CD40: variants seen among roughly 807,000 people sequenced by gnomAD.
CD40 encodes CD40 molecule.
CD40 carries 19 observed loss-of-function variants against 38.5 expected under a neutral mutation model. The ratio of observed to expected loss-of-function variants is 0.49; its 90% CI spans 0.34 to 0.72. The LOEUF (loss-of-function observed/expected upper bound fraction) is 0.72, where lower values mean the gene tolerates loss of function less well. Among genes scored for constraint, CD40 ranks in the 30% least tolerant of loss-of-function variants. The pLI, the probability that CD40 is intolerant of heterozygous loss-of-function variation, is 0.01. For missense variants in CD40, 256 were observed against 344.1 expected (o/e 0.74, Z 2.03); for synonymous variants, 130 against 128.7 (o/e 1.01, Z -0.07).
intron 6 of CD40, 51 bp from the exon 7 acceptor site, chr20:46,128,087 T>G: frequency 6.2e-7 from 1 of 1,613,970 alleles, no homozygotes; most frequent in Non-Finnish European, 8.5e-7. Flanking sequence ...AGGTTGAGGG[T>G]AGGGAGAAAC....
intron 8 of CD40, 76 bp from the exon 9 acceptor site, chr20:46,128,806 C>T (rs774413911): frequency 7.0e-5 from 105 of 1,508,390 alleles, no homozygotes; most frequent in African/African-American, 3.2e-4. Context: ...GGAAGGGATC[C>T]GCTTCCCAGG....
At position 46,122,881 on chromosome 20, in the gene CD40, G is replaced by T. The variant is rs2085347620; in HGVS notation, c.403+125G>T. 8.0e-7 allele frequency: 1 copy of T among 1,253,628 alleles called. No homozygotes were observed. The highest frequency in any genetic ancestry group is 1.1e-6 in the Non-Finnish European group (1 of 889,970). 77.7% of individuals were successfully genotyped at this position (1,253,628 alleles called of 1,614,324 possible). A position where few individuals can be genotyped will look rare whatever the true frequency, so the allele number is the denominator to read the frequency against. On this transcript the variant is annotated intron_variant, in intron 4 of 8. Transcript: ENST00000372285. This position sits in a 1 kb window ranked among gnomAD's most constrained non-coding sequence, Gnocchi z 5.0. ...GAAGCAGAGGCTCCAACCTATGTCG[G>T]TATCCCCACTGGAGTGAGCTGCAGA...
At chr20:46,118,496 G>T (rs571100579) in intron 1 of CD40, 102 bp downstream of exon 1, 1 of 928,154 alleles carries the variant, frequency 1.1e-6, no homozygotes, top group East Asian at 2.5e-5. Context: ...TGATTTTTGT[G>T]GGGGCAGGAG....
At position 46,122,152 on chromosome 20, in the gene CD40, A is replaced by G. The variant is rs2085331349; in HGVS notation, c.131-81A>G. The G allele has an allele frequency of 2.6e-6, 4 of 1,547,834 alleles. No homozygotes were observed. The highest frequency in any genetic ancestry group is 1.1e-5 in the South Asian group (1 of 89,366). On this transcript the variant is annotated intron_variant, in intron 2 of 8. Coordinates refer to ENST00000372285, the MANE Select transcript of CD40 (RefSeq NM_001250.6). This position sits in a 1 kb window ranked among gnomAD's most constrained non-coding sequence, Gnocchi z 5.0. ...TTCATCTTTGAATCCCCTACCCTAA[A>G]GCCTGGCCTGATCATTGTGTGGTTA... is the stretch of plus-strand genomic sequence containing the variant.
chr20:46,128,601 C>G, intron 8 of CD40: 1 of 703,860 alleles, frequency 1.4e-6, no homozygotes, highest in South Asian at 1.5e-5. Flanking sequence ...CCTTTCCTGG[C>G]ATTCAACGCG....
Position 46,123,147 on chromosome 20 carries a change from T to C in CD40, c.425T>C (p.Ile142Thr). 6.2e-7 allele frequency: 1 copy of C among 1,614,168 alleles called. No homozygotes were observed. Among genetic ancestry groups the C allele is most frequent in the Non-Finnish European group, 8.5e-7 (1 of 1,179,990 alleles). ...CCAGCTACAGGGGTTTCTGATACCATCTGCGAGCCCTGCCCAGTCGGCTTC... is the reference window on the plus strand; with the variant it reads ...CCAGCTACAGGGGTTTCTGATACCACCTGCGAGCCCTGCCCAGTCGGCTTC... ...KQIATGVSDT[I>T]CEPCPVGFFS... The change falls in exon 5 of 9, where the codon ATC (isoleucine) becomes ACC (threonine). Residue 142 changes from isoleucine (I) to threonine (T), a missense_variant. Physicochemically the swap from Ile to Thr is moderately conservative, Grantham distance 89 (BLOSUM62 -1). Coordinates refer to ENST00000372285, the MANE Select transcript of CD40 (RefSeq NM_001250.6).
chr20:46,123,508 TCTC>T (rs2085359834), intron 5 of CD40, among the ~76,000 whole-genome samples: 1 of 152,182 alleles, frequency 6.6e-6, no homozygotes, highest in Admixed American at 6.5e-5. Context: ...CCCTCCTGCT[TCTC>T]CTCAGTTTTC....
chr20:46,124,818 G>C (rs1600661150), intron 5 of CD40, among the ~76,000 whole-genome samples: 1 of 136,204 alleles, frequency 7.3e-6, no homozygotes, highest in African/African-American at 2.8e-5. Context: ...CCAGGCTGGA[G>C]TGCAGTGGCG....
intron 1 of CD40, among the ~76,000 whole-genome samples, chr20:46,119,245 A>G (rs1002664736): frequency 6.6e-6 from 1 of 152,240 alleles, no homozygotes; most frequent in Non-Finnish European, 1.5e-5. Flanking sequence ...GAATCCCCCA[A>G]GTACCTGGCT....
At chr20:46,123,565 G>C (rs970541601) in intron 5 of CD40, among the ~76,000 whole-genome samples, 8 of 152,050 alleles carry the variant, frequency 5.3e-5, no homozygotes, top group Non-Finnish European at 1.0e-4. Context: ...GGCTTTCTGG[G>C]CTCTGGGTGC....
chr20:46,121,764 A>G, intron 1 of CD40, 56 bp from the exon 2 acceptor site: 2 of 1,346,422 alleles, frequency 1.5e-6, no homozygotes, highest in Non-Finnish European at 2.1e-6. Context: ...CTTTCTGCTG[A>G]AGAAGTTGCA....
chr20:46,128,407 A>G (rs1468258450), intron 8 of CD40, 49 bp downstream of exon 8: 5 of 1,599,834 alleles, frequency 3.1e-6, no homozygotes, highest in East Asian at 4.5e-5. Flanking sequence ...AACTGGGAAG[A>G]TGGCCTCACG....
intron 5 of CD40, among the ~76,000 whole-genome samples, chr20:46,124,751 G>GTTGTT (rs2085390341): frequency 4.1e-5 from 3 of 73,968 alleles, no homozygotes; most frequent in East Asian, 8.1e-4. Flanking sequence ...CACTGGTATA[G>GTTGTT]TTTTTTTTTT....
At chr20:46,120,435 C>G (rs1203095069) in intron 1 of CD40, among the ~76,000 whole-genome samples, 2 of 152,256 alleles carry the variant, frequency 1.3e-5, no homozygotes, top group Non-Finnish European at 2.9e-5. Context: ...GTTCTTTTCA[C>G]TGGCTGTTCC....
In CD40 at chr20:46,123,121, C is replaced by G. The variant is rs780837863; in HGVS notation, c.404-5C>G. ...GTTAATGTCCCCCTCCCCACCCACT[C>G]CCAGCTACAGGGGTTTCTGATACCA... On this transcript the variant is annotated splice_region_variant and splice_polypyrimidine_tract_variant and intron_variant, in intron 4 of 8. Coordinates refer to ENST00000372285, the MANE Select transcript of CD40 (RefSeq NM_001250.6). 1.2e-6 allele frequency: 2 copies of G among 1,612,108 alleles called. No homozygotes were observed. Among genetic ancestry groups the G allele is most frequent in the South Asian group, 1.1e-5 (1 of 91,040 alleles).
At chr20:46,123,663 T>G (rs2085363104) in intron 5 of CD40, among the ~76,000 whole-genome samples, 2 of 152,194 alleles carry the variant, frequency 1.3e-5, no homozygotes, top group South Asian at 2.1e-4. Context: ...GGGAACTTAC[T>G]GTCTCCACTG....
chr20:46,122,696 G>A lies in CD40; in HGVS notation c.343G>A (p.Ala115Thr). The A allele has an allele frequency of 6.2e-7, 1 of 1,614,172 alleles. No individual in the cohort carries two copies. Among genetic ancestry groups the A allele is most frequent in the Non-Finnish European group, 8.5e-7 (1 of 1,180,038 alleles). The part of the protein sequence containing the change: ...CEEGWHCTSE[A>T]CESCVLHRSC... ...AGAAGGCTGGCACTGTACGAGTGAG[G>A]CCTGTGAGAGCTGTGTCCTGCACCG... The change falls in exon 4 of 9, where the codon GCC becomes ACC. Residue 115 changes from alanine (A) to threonine (T), a missense_variant. Ala to Thr is a moderately conservative substitution (Grantham distance 58). Coordinates refer to ENST00000372285, the MANE Select transcript of CD40 (RefSeq NM_001250.6). The surrounding 1 kb of genome is among the most constrained non-coding windows in gnomAD (Gnocchi z 5.0).
chr20:46,126,085 G>T (rs924396888), intron 5 of CD40, among the ~76,000 whole-genome samples: 1 of 152,190 alleles, frequency 6.6e-6, no homozygotes, highest in African/African-American at 2.4e-5. Context: ...GCTCCCTGTG[G>T]AACGTTTGCC....
chr20:46,127,564 C>A lies in CD40; in HGVS notation c.560-574C>A, dbSNP rs148178941. 2.2e-3 allele frequency among the ~76,000 whole-genome samples: 338 copies of A among 152,292 alleles called. 1 individual carries two copies. Among genetic ancestry groups the A allele is most frequent in the African/African-American group, 8.0e-3 (331 of 41,560 alleles). On this transcript the variant is annotated intron_variant, in intron 6 of 8. Transcript: ENST00000372285. ...TACCTTGATGACTGAGTGTTTTGGA[C>A]ATCCTTTTCAATTTTGTCCTGAAAC...
Sources: allele counts gnomAD v4.1 joint callset (sites outside exome capture counted in the v4.1 genomes callset), GRCh38; gene constraint gnomAD v4.1.1; non-coding constraint Gnocchi (gnomAD v3.1); transcripts MANE v1.5; gene names NCBI Gene and HGNC (gene_info 2026-07-23, HGNC 2026-07-21).